HP1BP3: variants seen among roughly 807,000 people sequenced by gnomAD.
HP1BP3 encodes the protein heterochromatin protein 1 binding protein 3.
In HP1BP3, 12 loss-of-function variants were observed where a neutral mutation model predicts 62.5. That is an observed-to-expected ratio of 0.19 (90% CI 0.12 to 0.31). The LOEUF is 0.31. Ranked by LOEUF, HP1BP3 falls within the 10% of genes least tolerant of loss-of-function variation. HP1BP3 has a pLI of 1.00. For synonymous variants in HP1BP3, 260 were observed against 237.8 expected (o/e 1.09, Z -0.86); for missense variants, 502 against 651.8 (o/e 0.77, Z 2.50).
At chr1:20,775,725 G>A (rs996397898) in intron 4 of HP1BP3, 7 of 367,852 alleles carry the variant, frequency 1.9e-5, no homozygotes, top group Admixed American at 4.6e-5. Flanking sequence ...AATACTTACC[G>A]TTGTGTTATA....
intron 2 of HP1BP3, 112 bp from the exon 3 acceptor site, chr1:20,780,023 A>G: frequency 1.3e-6 from 1 of 743,918 alleles, no homozygotes. Context: ...AGTCGACTCC[A>G]GGATCTGATG....
At chr1:20,754,010 G>C (rs2055938312) in intron 9 of HP1BP3, among the ~76,000 whole-genome samples, 1 of 152,156 alleles carries the variant, frequency 6.6e-6, no homozygotes, top group Non-Finnish European at 1.5e-5. Flanking sequence ...GGTTAATCTA[G>C]AGCAATCAGG....
At chr1:20,762,777 C>G (rs2056558712) in intron 8 of HP1BP3, among the ~76,000 whole-genome samples, 1 of 152,030 alleles carries the variant, frequency 6.6e-6, no homozygotes, top group Non-Finnish European at 1.5e-5. Context: ...TGTGTAAAAC[C>G]AAGCTGTGCC....
At chr1:20,782,600 A>G (rs1012100016) in intron 1 of HP1BP3, among the ~76,000 whole-genome samples, 5 of 149,772 alleles carry the variant, frequency 3.3e-5, no homozygotes, top group Admixed American at 6.7e-5. Flanking sequence ...AAAAATAATA[A>G]TTTAAAAAAA....
At chr1:20,759,294 G>A (rs1213465653) in intron 8 of HP1BP3, among the ~76,000 whole-genome samples, 23 of 152,160 alleles carry the variant, frequency 1.5e-4, no homozygotes, top group Admixed American at 1.4e-3. Context: ...CAGCTACTTG[G>A]GAGGCTGATG....
intron 12 of HP1BP3, among the ~76,000 whole-genome samples, chr1:20,745,334 T>C (rs1309812971): frequency 6.6e-6 from 1 of 152,238 alleles, no homozygotes; most frequent in Non-Finnish European, 1.5e-5. Context: ...TTTCTTTGAA[T>C]AACTAAACTA....
At chr1:20,786,834 A>C (rs1211860426) in intron 1 of HP1BP3, 2 of 152,788 alleles carry the variant, frequency 1.3e-5, no homozygotes, top group Admixed American at 1.3e-4. Context: ...CCCTCAGCCA[A>C]TCGGGGCGGG....
At chr1:20,755,606 A>T (rs1041751164) in intron 9 of HP1BP3, among the ~76,000 whole-genome samples, 1 of 152,018 alleles carries the variant, frequency 6.6e-6, no homozygotes, top group African/African-American at 2.4e-5. Context: ...AGCCCTTATA[A>T]ACACTGCCAG....
rs2055058785 is a variant in HP1BP3 at position 20,740,744 on chromosome 1, C to T, written c.*4053G>A. On this transcript the variant is annotated 3_prime_UTR_variant, in exon 13 of 13. Transcript: ENST00000438032. ...AGGTGGGGAGAACTGCTTGAGCACA[C>T]GAGTTCAAAGCTGCAGTGAGCCAAG... 6.6e-6 allele frequency among the ~76,000 whole-genome samples: 1 copy of T among 152,126 alleles called. No individual in the cohort carries two copies. The highest frequency in any genetic ancestry group is 2.4e-5 in the African/African-American group (1 of 41,428).
intron 8 of HP1BP3, among the ~76,000 whole-genome samples, chr1:20,763,718 A>G (rs2056613578): frequency 6.6e-6 from 1 of 152,216 alleles, no homozygotes. Context: ...AATCTAAATG[A>G]TCTGTCAAGA....
At chr1:20,787,032 C>A (rs1392303341) in intron 1 of HP1BP3, among the ~76,000 whole-genome samples, 163 bp downstream of exon 1, 2 of 151,566 alleles carry the variant, frequency 1.3e-5, no homozygotes, top group Admixed American at 1.3e-4. Context: ...GCGGAGCGGC[C>A]GGGTAAGGCA....
rs368120650 is a variant in HP1BP3, at chr1:20,749,365, TC to T, written c.1141+357del. On this transcript the variant is annotated intron_variant, in intron 10 of 12. Coordinates refer to ENST00000438032, the MANE Select transcript of HP1BP3 (RefSeq NM_001372052.1). ...GATTTTTTTTTCTTTTCTTTTCTTT[TC>T]TTTTTTTTTGATACATAGTCTCGCA... Among the ~76,000 whole-genome samples, 199 of 147,024 alleles carry T rather than the reference TC, an allele frequency of 1.4e-3. 2 individuals carry two copies. The highest frequency in any genetic ancestry group is 1.8e-3 in the Non-Finnish European group (119 of 66,430).
intron 1 of HP1BP3, among the ~76,000 whole-genome samples, chr1:20,781,653 G>A (rs569991941): frequency 6.6e-6 from 1 of 152,130 alleles, no homozygotes; most frequent in South Asian, 2.1e-4. Flanking sequence ...TTGAGACGGA[G>A]TCTTGCTCTG....
At chr1:20,757,058 T>C (rs1479062782) in intron 9 of HP1BP3, 108 bp downstream of exon 9, 5 of 627,910 alleles carry the variant, frequency 8.0e-6, no homozygotes, top group African/African-American at 1.9e-5. Context: ...ATAACCCACA[T>C]AAACAAAAGT....
At chr1:20,770,375 G>A (rs1035914261) in intron 6 of HP1BP3, among the ~76,000 whole-genome samples, 6 of 152,130 alleles carry the variant, frequency 3.9e-5, no homozygotes, top group African/African-American at 1.4e-4. Context: ...GGCTGGAGTG[G>A]TGAGATCGTA....
intron 10 of HP1BP3, 150 bp from the exon 11 acceptor site, chr1:20,747,805 A>C (rs928570869): frequency 1.5e-5 from 9 of 599,672 alleles, no homozygotes; most frequent in Admixed American, 9.6e-5. Flanking sequence ...AAGGTATTTA[A>C]TTAAACATTT....
rs781487202 is a variant in HP1BP3, at chr1:20,770,880, TA to T, written c.654+49del. 6.4e-6 allele frequency: 9 copies of T among 1,410,866 alleles called. No individual in the cohort carries two copies. In the African/African-American group the frequency reaches 1.0e-4, roughly 16 times the overall value. The allele number at this position is 1,410,866 out of a possible 1,614,324, so 87.4% of individuals were successfully genotyped here. Reference sequence around the variant, plus strand: ...GCCTAAATGTTACTAACTGTAGACTTAAAGCTAATACACAATGAAATGATCT... The same window carrying T: ...GCCTAAATGTTACTAACTGTAGACTTAAGCTAATACACAATGAAATGATCT... On this transcript the variant is annotated intron_variant, in intron 6 of 12. Transcript: ENST00000438032.
At chr1:20,756,648 G>T (rs1178446768) in intron 9 of HP1BP3, among the ~76,000 whole-genome samples, 1 of 152,076 alleles carries the variant, frequency 6.6e-6, no homozygotes, top group South Asian at 2.1e-4. Context: ...AATATGTAAT[G>T]GGTTTTCTAC....
chr1:20,749,030 A>G (rs539453173), intron 10 of HP1BP3, among the ~76,000 whole-genome samples: 6 of 152,348 alleles, frequency 3.9e-5, no homozygotes, highest in South Asian at 2.1e-4. Context: ...AAGAAATAAT[A>G]TAAGTAGTAA....
Sources: allele counts gnomAD v4.1 joint callset (sites outside exome capture counted in the v4.1 genomes callset), GRCh38; gene constraint gnomAD v4.1.1; transcripts MANE v1.5; gene names NCBI Gene and HGNC (gene_info 2026-07-23, HGNC 2026-07-21).